Variants in KCTD8 observed in about 807,000 individuals in gnomAD.
The protein encoded by KCTD8 is BTB/POZ domain-containing protein KCTD8.
Under a neutral mutation model 31.5 loss-of-function variants are expected in KCTD8, and 27 were observed. That is an observed-to-expected ratio of 0.86 (90% confidence interval 0.63 to 1.18). The LOEUF is 1.18. KCTD8 is among the 50% of genes most tolerant of loss of function. KCTD8 has a pLI of 0.00. For missense variants in KCTD8, 658 were observed against 647.7 expected (o/e 1.02, Z -0.17); for synonymous variants, 290 against 280.0 (o/e 1.04, Z -0.36).
chr4:44,248,765 A>C (rs547244497), intron 1 of KCTD8, among the ~76,000 whole-genome samples: 1 of 152,024 alleles, frequency 6.6e-6, no homozygotes, highest in East Asian at 1.9e-4. Flanking sequence ...GGATGATGAC[A>C]CTGAGAGAGA....
intron 1 of KCTD8, among the ~76,000 whole-genome samples, chr4:44,212,659 T>C (rs1714524607): frequency 6.6e-6 from 1 of 152,198 alleles, no homozygotes; most frequent in South Asian, 2.1e-4. Context: ...AGTGCTTTCT[T>C]TTTATTAGAC....
At chr4:44,193,634 G>T in intron 1 of KCTD8, among the ~76,000 whole-genome samples, 1 of 150,074 alleles carries the variant, frequency 6.7e-6, no homozygotes, top group Non-Finnish European at 1.5e-5. Context: ...TTACATCTAG[G>T]TATTTTAACA....
At chr4:44,232,966 T>C (rs1715168754) in intron 1 of KCTD8, among the ~76,000 whole-genome samples, 1 of 152,014 alleles carries the variant, frequency 6.6e-6, no homozygotes, top group African/African-American at 2.4e-5. Context: ...TGCAAGAAAC[T>C]CACTTTTTTC....
intron 1 of KCTD8, among the ~76,000 whole-genome samples, chr4:44,225,951 G>A (rs1196587972): frequency 6.6e-6 from 1 of 151,086 alleles, no homozygotes; most frequent in Admixed American, 6.6e-5. Context: ...CTCCCGAGTA[G>A]CTGGGACTAC....
At chr4:44,362,538 A>AGAAT (rs1719525667) in intron 1 of KCTD8, among the ~76,000 whole-genome samples, 1 of 152,152 alleles carries the variant, frequency 6.6e-6, no homozygotes, top group African/African-American at 2.4e-5. Flanking sequence ...ATAGTGTTGT[A>AGAAT]GAATGTACGG....
At chr4:44,344,352 T>A (rs1295226540) in intron 1 of KCTD8, among the ~76,000 whole-genome samples, 4 of 152,020 alleles carry the variant, frequency 2.6e-5, no homozygotes, top group African/African-American at 9.7e-5. Flanking sequence ...ACTGGGCTAA[T>A]GTTTTCATTT....
chr4:44,174,619 T>G lies in KCTD8; in HGVS notation c.*171A>C. ...AATATTTTTTCCTTTTTAATCATGT[T>G]TCTAAAAAGAACAACAACTAAAACA... is the stretch of plus-strand genomic sequence containing the variant. On this transcript the variant is annotated 3_prime_UTR_variant, in exon 2 of 2. Coordinates refer to ENST00000360029, the MANE Select transcript of KCTD8 (RefSeq NM_198353.3). 2.0e-6 allele frequency: 1 copy of G among 496,126 alleles called. No individual in the cohort carries two copies. Among genetic ancestry groups the G allele is most frequent in the Non-Finnish European group, 3.5e-6 (1 of 288,936 alleles). The allele number at this position is 496,126 out of a possible 1,614,324, so 30.7% of individuals were successfully genotyped here. A position where few individuals can be genotyped will look rare whatever the true frequency, so the allele number is the denominator to read the frequency against.
chr4:44,286,204 T>C (rs1717063878), intron 1 of KCTD8, among the ~76,000 whole-genome samples: 1 of 152,120 alleles, frequency 6.6e-6, no homozygotes, highest in African/African-American at 2.4e-5. Flanking sequence ...ATACCGAGTA[T>C]ATTTCAACAA....
intron 1 of KCTD8, among the ~76,000 whole-genome samples, chr4:44,422,605 C>T (rs958545008): frequency 2.0e-5 from 3 of 152,056 alleles, no homozygotes; most frequent in African/African-American, 7.2e-5. Flanking sequence ...ACCATGTGAT[C>T]ATTGACAGAA....
intron 1 of KCTD8, among the ~76,000 whole-genome samples, chr4:44,380,009 A>G (rs1468403231): frequency 1.3e-5 from 2 of 152,062 alleles, no homozygotes; most frequent in Non-Finnish European, 2.9e-5. Context: ...GCATTGTCTT[A>G]TAAAGACACA....
intron 1 of KCTD8, among the ~76,000 whole-genome samples, chr4:44,210,639 C>A (rs1243350013): frequency 6.6e-6 from 1 of 152,142 alleles, no homozygotes; most frequent in Middle Eastern, 3.2e-3. Flanking sequence ...GAAGAAAGAG[C>A]TTCCTGAGTG....
rs554295097 is a variant in KCTD8 at position 44,340,620 on chromosome 4, A to G, written c.961+106943T>C. 5.9e-4 allele frequency among the ~76,000 whole-genome samples: 90 copies of G among 152,128 alleles called. No individual in the cohort carries two copies. The Middle Eastern group carries it at 0.01, about 17-fold the overall frequency. On this transcript the variant is annotated intron_variant, in intron 1 of 1. Coordinates refer to ENST00000360029, the MANE Select transcript of KCTD8 (RefSeq NM_198353.3). Reference sequence around the variant, plus strand: ...CACCACGCCCGGCCGACATATGTACATTTTAAAGATCGATAGTTAAACAAA... The same window carrying G: ...CACCACGCCCGGCCGACATATGTACGTTTTAAAGATCGATAGTTAAACAAA...
chr4:44,243,753 C>T (rs542182554), intron 1 of KCTD8, among the ~76,000 whole-genome samples: 1 of 152,204 alleles, frequency 6.6e-6, no homozygotes, highest in Non-Finnish European at 1.5e-5. Context: ...AGACAGCTGC[C>T]TTGTCAGCAA....
chr4:44,336,215 G>C (rs2094813983), intron 1 of KCTD8, among the ~76,000 whole-genome samples: 1 of 131,544 alleles, frequency 7.6e-6, no homozygotes, highest in South Asian at 2.5e-4. Flanking sequence ...TAAAATATTA[G>C]CAAATATGAT....
At chr4:44,309,370 A>G (rs1717888697) in intron 1 of KCTD8, among the ~76,000 whole-genome samples, 1 of 152,136 alleles carries the variant, frequency 6.6e-6, no homozygotes, top group African/African-American at 2.4e-5. Flanking sequence ...TAATAATTAA[A>G]AGCAGGTGTT....
chr4:44,255,390 T>G (rs1378587548), intron 1 of KCTD8, among the ~76,000 whole-genome samples: 1 of 151,924 alleles, frequency 6.6e-6, no homozygotes, highest in African/African-American at 2.4e-5. Context: ...TTCTGAAACC[T>G]GAAGATTTTT....
intron 1 of KCTD8, among the ~76,000 whole-genome samples, chr4:44,194,928 T>C (rs1375832929): frequency 6.7e-6 from 1 of 150,194 alleles, no homozygotes; most frequent in Non-Finnish European, 1.5e-5. Flanking sequence ...CAATCTTGGC[T>C]CACTGCAACC....
At chr4:44,188,138 G>T (rs1027726868) in intron 1 of KCTD8, among the ~76,000 whole-genome samples, 3 of 152,100 alleles carry the variant, frequency 2.0e-5, no homozygotes, top group Non-Finnish European at 4.4e-5. Flanking sequence ...GCCAATAAAT[G>T]TTTTCAAGTA....
intron 1 of KCTD8, among the ~76,000 whole-genome samples, chr4:44,373,753 G>A (rs1325245479): frequency 6.6e-6 from 1 of 151,930 alleles, no homozygotes; most frequent in East Asian, 1.9e-4. Flanking sequence ...ATTCTTGTAT[G>A]TTTCTCAGAC....
Sources: allele counts gnomAD v4.1 joint callset (sites outside exome capture counted in the v4.1 genomes callset), GRCh38; gene constraint gnomAD v4.1.1; transcripts MANE v1.5; gene names NCBI Gene and HGNC (gene_info 2026-07-23, HGNC 2026-07-21).